The following CYP2C19 variants were observed in gnomAD, a reference collection of about 807,000 sequenced individuals.
The protein encoded by CYP2C19 is cytochrome P450 2C19.
CYP2C19 carries 59 observed loss-of-function variants against 40.9 expected under a neutral mutation model. The observed-to-expected ratio is 1.44, with a 90% CI of 1.17 to 1.79. The LOEUF (loss-of-function observed/expected upper bound fraction) is 1.79, where lower values mean the gene tolerates loss of function less well. Ranked by LOEUF, CYP2C19 falls within the 40% of genes most tolerant of loss-of-function variation. The pLI, the probability that CYP2C19 is intolerant of heterozygous loss-of-function variation, is 0.00. For synonymous variants in CYP2C19, 253 were observed against 208.7 expected (o/e 1.21, Z -1.83); for missense variants, 754 against 596.9 (o/e 1.26, Z -2.74).
chr10:94,771,956 C>T (rs369004197), intron 1 of CYP2C19, among the ~76,000 whole-genome samples: 1 of 152,156 alleles, frequency 6.6e-6, no homozygotes. Context: ...TGCCTGTCCT[C>T]GTAGACCACA....
At chr10:94,802,494 G>A (rs1460157434) in intron 5 of CYP2C19, among the ~76,000 whole-genome samples, 1 of 151,976 alleles carries the variant, frequency 6.6e-6, no homozygotes, top group Non-Finnish European at 1.5e-5. Flanking sequence ...TGTGAGATGG[G>A]TCTCCTGAAT....
At chr10:94,838,703 G>A (rs1031256215) in intron 6 of CYP2C19, among the ~76,000 whole-genome samples, 9 of 152,074 alleles carry the variant, frequency 5.9e-5, no homozygotes, top group African/African-American at 1.4e-4. Flanking sequence ...CTGGGATAGG[G>A]AGGTAGACTG....
At chr10:94,806,275 A>G (rs943200272) in intron 5 of CYP2C19, among the ~76,000 whole-genome samples, 1 of 152,162 alleles carries the variant, frequency 6.6e-6, no homozygotes, top group African/African-American at 2.4e-5. Context: ...CGTTGTATGT[A>G]TAAACCAAAT....
intron 5 of CYP2C19, among the ~76,000 whole-genome samples, chr10:94,817,751 C>A (rs531679576): frequency 2.8e-4 from 43 of 152,130 alleles, no homozygotes; most frequent in African/African-American, 1.0e-3. Flanking sequence ...CGGTGGCTCA[C>A]ACCTGTAATC....
In CYP2C19 at chr10:94,849,912, T is replaced by C; in HGVS notation, c.1150-5T>C. The C allele has an allele frequency of 6.2e-7, 1 of 1,613,546 alleles. No homozygotes were observed. The highest frequency in any genetic ancestry group is 1.7e-5 in the Admixed American group (1 of 59,952). On this transcript the variant is annotated splice_polypyrimidine_tract_variant and splice_region_variant and intron_variant, in intron 7 of 8. Transcript: ENST00000371321. ...GCTCAGTTCACCTATGTCTCTTGTT[T>C]CTAGGGCACAACCATATTAACTTCC...
rs771120274 is a variant in CYP2C19, at chr10:94,843,012, C to T, written c.1137C>T (p.Tyr379=). The T allele has an allele frequency of 3.1e-6, 5 of 1,614,072 alleles. No individual in the cohort carries two copies. Among genetic ancestry groups the T allele is most frequent in the East Asian group, 4.5e-5 (2 of 44,888 alleles). The change falls in exon 7 of 9, where the codon TAC becomes TAT. Residue 379 remains tyrosine (Y), a synonymous_variant. Coordinates refer to ENST00000371321, the MANE Select transcript of CYP2C19 (RefSeq NM_000769.4). The part of the protein sequence containing the change: ...AVTCDVKFRN[Y]LIPKGTTILT... ...CCTGTGACGTTAAATTCAGAAACTACCTCATTCCCAAGGTAAGTTTGTTTC... is the reference window on the plus strand; with the variant it reads ...CCTGTGACGTTAAATTCAGAAACTATCTCATTCCCAAGGTAAGTTTGTTTC...
At chr10:94,826,214 T>A (rs867038994) in intron 6 of CYP2C19, among the ~76,000 whole-genome samples, 78 of 152,142 alleles carry the variant, frequency 5.1e-4, no homozygotes, top group Middle Eastern at 6.8e-3. Context: ...GGTAGCTTGA[T>A]GGGGATGGCA....
At chr10:94,840,822 G>T (rs575952551) in intron 6 of CYP2C19, among the ~76,000 whole-genome samples, 2 of 152,334 alleles carry the variant, frequency 1.3e-5, no homozygotes, top group South Asian at 4.1e-4. Flanking sequence ...AGGGTTGGTT[G>T]TTAGAAAGCC....
At position 94,835,026 on chromosome 10, in the gene CYP2C19, G is replaced by A. The variant is rs564373488; in HGVS notation, c.962-7811G>A. Among the ~76,000 whole-genome samples the A allele has an allele frequency of 2.0e-4, 30 of 152,284 alleles. 1 individual carries two copies. The highest frequency in any genetic ancestry group is 1.8e-3 in the Admixed American group (27 of 15,300). On this transcript the variant is annotated intron_variant, in intron 6 of 8. Coordinates refer to ENST00000371321, the MANE Select transcript of CYP2C19 (RefSeq NM_000769.4). ...TTTCCTCGGGAGAGGTGCCTTCAAT[G>A]TCATTAACATTGGAGCATGAGCTAG...
chr10:94,834,501 G>T (rs886882954), intron 6 of CYP2C19, among the ~76,000 whole-genome samples: 16 of 149,588 alleles, frequency 1.1e-4, no homozygotes, highest in Admixed American at 1.3e-4. Flanking sequence ...ATTTATTTCT[G>T]CTCTGATCTT....
At position 94,820,501 on chromosome 10, in the gene CYP2C19, G is replaced by A. The variant is rs762323575; in HGVS notation, c.825G>A (p.Lys275=). Residue 275 remains lysine, a synonymous_variant, in exon 6 of 9, where the codon AAG becomes AAA. Coordinates refer to ENST00000371321, the MANE Select transcript of CYP2C19 (RefSeq NM_000769.4). ...TTGCATCAAATCATTCCTAGGAAAA[G>A]CAAAACCAACAGTCTGAATTCACTA... The part of the protein sequence containing the change: ...DCFLIKMEKE[K]QNQQSEFTIE... 2.5e-6 allele frequency: 4 copies of A among 1,614,122 alleles called. No homozygotes were observed. In the South Asian group the frequency reaches 3.3e-5, roughly 13 times the overall value.
chr10:94,827,057 G>A (rs577502008), intron 6 of CYP2C19, among the ~76,000 whole-genome samples: 24 of 151,986 alleles, frequency 1.6e-4, no homozygotes, highest in East Asian at 7.7e-4. Context: ...TGCTGGATTC[G>A]GTTTGCCAGT....
intron 3 of CYP2C19, among the ~76,000 whole-genome samples, chr10:94,777,540 A>T (rs1848424790): frequency 6.6e-6 from 1 of 152,166 alleles, no homozygotes; most frequent in South Asian, 2.1e-4. Flanking sequence ...TGACAAAAAC[A>T]AGCAATGGGA....
rs1564687615 is a variant in CYP2C19 at position 94,853,084 on chromosome 10, T to C, written c.*170T>C. The C allele has an allele frequency of 1.5e-6, 1 of 655,198 alleles. No homozygotes were observed. 40.6% of individuals were successfully genotyped at this position (655,198 alleles called of 1,614,324 possible). A position where few individuals can be genotyped will look rare whatever the true frequency, so the allele number is the denominator to read the frequency against. On this transcript the variant is annotated 3_prime_UTR_variant, in exon 9 of 9. Coordinates refer to ENST00000371321, the MANE Select transcript of CYP2C19 (RefSeq NM_000769.4). ...TTAAAAAAGTTTCACTGTGCAAATA[T>C]ATCTGCTATTCCCCATACTCTATAA...
At chr10:94,820,101 A>G (rs905069747) in intron 5 of CYP2C19, among the ~76,000 whole-genome samples, 3 of 151,606 alleles carry the variant, frequency 2.0e-5, no homozygotes, top group Non-Finnish European at 4.4e-5. Flanking sequence ...CAAATCAATA[A>G]ATGTAATCCA....
intron 6 of CYP2C19, among the ~76,000 whole-genome samples, chr10:94,840,380 C>T (rs760853898): frequency 1.3e-5 from 2 of 151,672 alleles, no homozygotes; most frequent in African/African-American, 2.4e-5. Context: ...CTGCCCATGT[C>T]GAGAGCTGTA....
At chr10:94,847,443 T>A (rs887544816) in intron 7 of CYP2C19, among the ~76,000 whole-genome samples, 2 of 152,218 alleles carry the variant, frequency 1.3e-5, no homozygotes, top group Admixed American at 6.5e-5. Flanking sequence ...TTCCATGGTG[T>A]ATATGTGCCA....
intron 5 of CYP2C19, among the ~76,000 whole-genome samples, chr10:94,805,559 T>C (rs906836566): frequency 3.4e-4 from 52 of 152,208 alleles, no homozygotes; most frequent in African/African-American, 1.3e-3. Context: ...ATTCTTTTCA[T>C]CTTACAAAAT....
chr10:94,837,913 G>C (rs1331078569), intron 6 of CYP2C19, among the ~76,000 whole-genome samples: 2 of 152,146 alleles, frequency 1.3e-5, no homozygotes, highest in Non-Finnish European at 2.9e-5. Flanking sequence ...ATGGACGAGG[G>C]GGCAGCTTAC....
Sources: allele counts gnomAD v4.1 joint callset (sites outside exome capture counted in the v4.1 genomes callset), GRCh38; gene constraint gnomAD v4.1.1; transcripts MANE v1.5; gene names NCBI Gene and HGNC (gene_info 2026-07-23, HGNC 2026-07-21).